LARGE1: variants seen among roughly 807,000 people sequenced by gnomAD.
LARGE1 encodes xylosyl- and glucuronyltransferase LARGE1.
LARGE1 carries 43 observed loss-of-function variants against 87.6 expected under a neutral mutation model. The observed-to-expected ratio is 0.49, with a 90% confidence interval of 0.38 to 0.63. The LOEUF (loss-of-function observed/expected upper bound fraction) is 0.63, where lower values mean the gene tolerates loss of function less well. LARGE1 is among the 30% of genes least tolerant of loss of function. The probability of loss-of-function intolerance (pLI) is 0.00; values close to 1 mark genes in which losing one functional copy is unlikely to be tolerated. For synonymous variants in LARGE1, 434 were observed against 394.6 expected, an observed-to-expected ratio of 1.10 and a Z score of -1.18; for missense variants, 802 against 1,000.2, an observed-to-expected ratio of 0.80 and a Z score of 2.67.
At chr22:33,533,174 C>T (rs986091312) in intron 6 of LARGE1, among the ~76,000 whole-genome samples, 5 of 152,162 alleles carry the variant, frequency 3.3e-5, no homozygotes, top group Admixed American at 1.3e-4. Context: ...ACCAGTCTTC[C>T]GGGAGCTAAC....
At chr22:33,777,901 G>A (rs566546687) in intron 1 of LARGE1, among the ~76,000 whole-genome samples, 7 of 152,330 alleles carry the variant, frequency 4.6e-5, no homozygotes, top group Non-Finnish European at 1.0e-4. Flanking sequence ...TTAACACATT[G>A]CAGATTCAGT....
At chr22:33,590,801 C>T (rs909117747) in intron 5 of LARGE1, among the ~76,000 whole-genome samples, 2 of 152,298 alleles carry the variant, frequency 1.3e-5, no homozygotes, top group East Asian at 1.9e-4. Flanking sequence ...AAAGCTGCCA[C>T]GAATATCCAC....
At chr22:33,084,494 C>T in the LARGE1 span, among the ~76,000 whole-genome samples, 4 of 146,576 alleles carry the variant, frequency 2.7e-5, no homozygotes, top group African/African-American at 1.0e-4. Context: ...CCTTGTCTCT[C>T]GAAAAAAAAA....
At chr22:33,303,281 G>T (rs573739267) in intron 12 of LARGE1, among the ~76,000 whole-genome samples, 1 of 152,324 alleles carries the variant, frequency 6.6e-6, no homozygotes, top group African/African-American at 2.4e-5. Context: ...AGTTGTCATG[G>T]TGCTTATGCA....
chr22:33,827,241 G>T (rs947993408), intron 1 of LARGE1, among the ~76,000 whole-genome samples: 1 of 151,766 alleles, frequency 6.6e-6, no homozygotes, highest in Non-Finnish European at 1.5e-5. Flanking sequence ...ATGATGGCAG[G>T]CACCTGTAAT....
chr22:33,515,828 C>T (rs369328878), intron 6 of LARGE1, among the ~76,000 whole-genome samples: 2 of 152,224 alleles, frequency 1.3e-5, no homozygotes, highest in South Asian at 2.1e-4. Flanking sequence ...TGAGAGGTGA[C>T]GAGTCCAGAG....
chr22:33,205,994 G>A (rs1602091216), intron 11 of LARGE1, among the ~76,000 whole-genome samples: 1 of 111,412 alleles, frequency 9.0e-6, no homozygotes, highest in African/African-American at 3.6e-5. Flanking sequence ...TCGCTCTGTT[G>A]TCCAGGCTGG....
the LARGE1 span, among the ~76,000 whole-genome samples, chr22:33,087,401 T>A: frequency 6.6e-6 from 1 of 152,160 alleles, no homozygotes; most frequent in Non-Finnish European, 1.5e-5. Flanking sequence ...ATTGCATTGC[T>A]GTGTAGGAAA....
At chr22:33,679,319 C>T (rs1191973627) in intron 2 of LARGE1, among the ~76,000 whole-genome samples, 1 of 152,146 alleles carries the variant, frequency 6.6e-6, no homozygotes, top group East Asian at 1.9e-4. Context: ...TACTAAGCCC[C>T]AGCACCTCAG....
chr22:33,362,957 A>G (rs1029468604), intron 9 of LARGE1, among the ~76,000 whole-genome samples: 6 of 150,322 alleles, frequency 4.0e-5, no homozygotes, highest in Admixed American at 3.3e-4. Flanking sequence ...AAGATAATAC[A>G]GCACTCAATT....
intron 11 of LARGE1, among the ~76,000 whole-genome samples, chr22:33,187,140 T>C (rs1923518861): frequency 6.6e-6 from 1 of 152,180 alleles, no homozygotes; most frequent in Non-Finnish European, 1.5e-5. Context: ...CACGACTGGG[T>C]ATAAATTCAA....
At chr22:33,492,918 T>C (rs1303074290) in intron 6 of LARGE1, among the ~76,000 whole-genome samples, 7 of 152,082 alleles carry the variant, frequency 4.6e-5, no homozygotes, top group Admixed American at 4.6e-4. Context: ...GGGTGGGCAA[T>C]GCGCACCCTG....
At chr22:33,671,492 A>G (rs2081411267) in intron 2 of LARGE1, among the ~76,000 whole-genome samples, 1 of 152,240 alleles carries the variant, frequency 6.6e-6, no homozygotes, top group Non-Finnish European at 1.5e-5. Flanking sequence ...AGCAAAGTTG[A>G]GTCCTGCCTC....
At chr22:33,909,412 T>C (rs530884369) in intron 1 of LARGE1, among the ~76,000 whole-genome samples, 2 of 152,162 alleles carry the variant, frequency 1.3e-5, no homozygotes, top group Admixed American at 1.3e-4. Flanking sequence ...CCAGGCACGA[T>C]GCAGGTGCAC....
Position 33,817,934 on chromosome 22 carries a change from G to T in LARGE1, c.-82-56376C>A, listed in dbSNP as rs1169363837. 2.1e-5 allele frequency among the ~76,000 whole-genome samples: 3 copies of T among 144,830 alleles called. No individual in the cohort carries two copies. In the Admixed American group the frequency reaches 2.1e-4, roughly 10 times the overall value. ...GAAAGGGGGAGGAGAGGGAGGAAAG[G>T]GGGAGGAGAGGAAGGAAGAACAGGG... On this transcript the variant is annotated intron_variant, in intron 1 of 14. Coordinates refer to ENST00000397394, the MANE Select transcript of LARGE1 (RefSeq NM_133642.5).
At chr22:33,421,210 A>AAATC (rs146615068) in intron 7 of LARGE1, among the ~76,000 whole-genome samples, 2,246 of 141,666 alleles carry the variant, frequency 0.016, 16 homozygotes, top group Non-Finnish European at 0.019. Context: ...AAATAAAATA[A>AAATC]AATCAATCAA....
intron 6 of LARGE1, among the ~76,000 whole-genome samples, chr22:33,449,918 T>A (rs952722735): frequency 6.6e-6 from 1 of 151,898 alleles, no homozygotes; most frequent in South Asian, 2.1e-4. Flanking sequence ...GAGGCTTTTG[T>A]ACTTTTTTTT....
At chr22:33,148,829 T>C in the LARGE1 span, among the ~76,000 whole-genome samples, 4 of 152,180 alleles carry the variant, frequency 2.6e-5, no homozygotes, top group Non-Finnish European at 4.4e-5. Flanking sequence ...GCTAAAAATA[T>C]TAAATTTTTT....
At chr22:33,783,527 T>G (rs2085498125) in intron 1 of LARGE1, among the ~76,000 whole-genome samples, 1 of 152,122 alleles carries the variant, frequency 6.6e-6, no homozygotes, top group African/African-American at 2.4e-5. Flanking sequence ...ATCATGCCAT[T>G]TCACTCCAGC....
Sources: allele counts gnomAD v4.1 joint callset (sites outside exome capture counted in the v4.1 genomes callset), GRCh38; gene constraint gnomAD v4.1.1; transcripts MANE v1.5; gene names NCBI Gene and HGNC (gene_info 2026-07-23, HGNC 2026-07-21).